TMEM177: variants seen among roughly 807,000 people sequenced by gnomAD.
TMEM177 encodes the protein transmembrane protein 177.
TMEM177 carries 4 observed loss-of-function variants against 14.2 expected under a neutral mutation model. The ratio of observed to expected loss-of-function variants is 0.28; its 90% CI spans 0.14 to 0.64. TMEM177 has a LOEUF of 0.64. TMEM177 is among the 30% of genes least tolerant of loss of function. TMEM177 has a pLI of 0.82. For missense variants in TMEM177, 344 were observed against 405.2 expected (o/e 0.85, Z 1.30); for synonymous variants, 179 against 174.5 (o/e 1.03, Z -0.20).
the TMEM177 span, among the ~76,000 whole-genome samples, chr2:119,691,627 A>T: frequency 8.1e-4 from 124 of 152,166 alleles, no homozygotes; most frequent in Non-Finnish European, 1.6e-3. Flanking sequence ...CCAGTACTGG[A>T]CCATGTCGCT....
chr2:119,715,147 C>T, the TMEM177 span, among the ~76,000 whole-genome samples: 1 of 152,086 alleles, frequency 6.6e-6, no homozygotes, highest in African/African-American at 2.4e-5. Context: ...CTTTGGGAGG[C>T]CAAGGCAGGA....
At chr2:119,721,405 G>A in the TMEM177 span, among the ~76,000 whole-genome samples, 1 of 152,202 alleles carries the variant, frequency 6.6e-6, no homozygotes, top group African/African-American at 2.4e-5. Flanking sequence ...CATTCTAGAA[G>A]CTCTTAGGTC....
chr2:119,721,151 C>T, the TMEM177 span, among the ~76,000 whole-genome samples: 1 of 152,200 alleles, frequency 6.6e-6, no homozygotes, highest in Non-Finnish European at 1.5e-5. Context: ...TAAGACTGGT[C>T]ACCAGAAAGA....
chr2:119,709,832 T>C, the TMEM177 span, among the ~76,000 whole-genome samples: 2 of 151,816 alleles, frequency 1.3e-5, no homozygotes. Flanking sequence ...CTCAAATAAA[T>C]AAACAAATAA....
downstream of TMEM177, among the ~76,000 whole-genome samples, chr2:119,688,100 G>GT (rs1689043580): frequency 1.3e-5 from 2 of 152,142 alleles, no homozygotes; most frequent in Admixed American, 1.3e-4. Context: ...GTATCCACTT[G>GT]TTGAACATTT....
At position 119,681,351 on chromosome 2, in the gene TMEM177, T is replaced by C; in HGVS notation, c.498T>C (p.Thr166=). 6.2e-7 allele frequency: 1 copy of C among 1,614,154 alleles called. No individual in the cohort carries two copies. The highest frequency in any genetic ancestry group is 1.1e-5 in the South Asian group (1 of 91,080). Residue 166 remains threonine, a synonymous_variant, in exon 2 of 2, where the codon ACT becomes ACC. Coordinates refer to ENST00000272521, the MANE Select transcript of TMEM177 (RefSeq NM_030577.3). ...REVVYLESST[T]AVHALLAPAC... is the part of the protein sequence containing the mutation. ...TGGTGTACCTGGAAAGCAGTACCAC[T>C]GCCGTGCACGCCCTGCTGGCCCCAG... is the stretch of plus-strand genomic sequence containing the variant.
the TMEM177 span, among the ~76,000 whole-genome samples, chr2:119,718,846 C>T: frequency 3.9e-5 from 6 of 152,176 alleles, no homozygotes; most frequent in African/African-American, 1.2e-4. Flanking sequence ...AGTCTCCCCA[C>T]CTTCATTGCT....
chr2:119,712,742 A>T, the TMEM177 span, among the ~76,000 whole-genome samples: 1 of 152,228 alleles, frequency 6.6e-6, no homozygotes, highest in African/African-American at 2.4e-5. Flanking sequence ...TATTACCAGC[A>T]TGCATGCACC....
chr2:119,722,142 A>C, the TMEM177 span, among the ~76,000 whole-genome samples: 1 of 152,180 alleles, frequency 6.6e-6, no homozygotes, highest in African/African-American at 2.4e-5. Flanking sequence ...ACACTTTGGG[A>C]GGCCACGTTG....
chr2:119,690,010 G>GAGGTC (rs1316310059), downstream of TMEM177, among the ~76,000 whole-genome samples: 1 of 152,180 alleles, frequency 6.6e-6, no homozygotes, highest in Non-Finnish European at 1.5e-5. Flanking sequence ...CTCCCCGCTA[G>GAGGTC]AGGTCAAAGG....
the TMEM177 span, among the ~76,000 whole-genome samples, chr2:119,715,335 A>G: frequency 6.6e-6 from 1 of 152,172 alleles, no homozygotes; most frequent in African/African-American, 2.4e-5. Context: ...GCAATAAGCT[A>G]TGTTCTCACC....
At chr2:119,694,896 C>A in the TMEM177 span, among the ~76,000 whole-genome samples, 1 of 152,204 alleles carries the variant, frequency 6.6e-6, no homozygotes, top group Non-Finnish European at 1.5e-5. Flanking sequence ...GGAGCCAAAC[C>A]ACCACAAGGG....
Position 119,681,172 on chromosome 2 carries a change from C to T in TMEM177, c.319C>T (p.Pro107Ser), listed in dbSNP as rs1688888037. The change falls in exon 2 of 2, where the codon CCT (proline) becomes TCT (serine). Residue 107 changes from proline (P) to serine (S), a missense_variant. By Grantham distance (74) the Pro-to-Ser change is moderately conservative (BLOSUM62 -1). Coordinates refer to ENST00000272521, the MANE Select transcript of TMEM177 (RefSeq NM_030577.3). The part of the protein sequence containing the change: ...RLPAGAVVGI[P>S]ASFLGDLVIN... ...CCCTGCTGGGGCTGTGGTGGGCATC[C>T]CTGCCAGTTTCTTGGGAGACCTAGT... 18 of 1,614,234 alleles carry T rather than the reference C, an allele frequency of 1.1e-5. No homozygotes were observed. In the East Asian group the frequency reaches 3.8e-4, roughly 34 times the overall value.
At chr2:119,720,512 C>T in the TMEM177 span, among the ~76,000 whole-genome samples, 1 of 152,142 alleles carries the variant, frequency 6.6e-6, no homozygotes, top group African/African-American at 2.4e-5. Context: ...TCAGATGATC[C>T]GCCCACCTCG....
At chr2:119,712,104 G>A in the TMEM177 span, among the ~76,000 whole-genome samples, 19 of 152,074 alleles carry the variant, frequency 1.2e-4, no homozygotes, top group South Asian at 4.2e-4. Flanking sequence ...TGTCTGAGGC[G>A]TTGGCGTTAA....
the TMEM177 span, among the ~76,000 whole-genome samples, chr2:119,721,701 C>T: frequency 6.6e-6 from 1 of 152,206 alleles, no homozygotes; most frequent in Admixed American, 6.5e-5. Context: ...TTACAGTACA[C>T]CAGTTGGTGT....
chr2:119,695,349 C>T, the TMEM177 span, among the ~76,000 whole-genome samples: 2 of 152,256 alleles, frequency 1.3e-5, no homozygotes, highest in Non-Finnish European at 2.9e-5. Context: ...GCCCTCCCCT[C>T]TGTTCCCATG....
the TMEM177 span, among the ~76,000 whole-genome samples, chr2:119,717,840 G>A: frequency 1.3e-5 from 2 of 151,966 alleles, no homozygotes; most frequent in Admixed American, 6.6e-5. Flanking sequence ...GCCTGGTCTC[G>A]AACTCCTGAC....
At chr2:119,702,084 A>C in the TMEM177 span, among the ~76,000 whole-genome samples, 1 of 152,212 alleles carries the variant, frequency 6.6e-6, no homozygotes, top group Non-Finnish European at 1.5e-5. Flanking sequence ...TGTAATTTCT[A>C]ATCTTGTAGC....
Sources: allele counts gnomAD v4.1 joint callset (sites outside exome capture counted in the v4.1 genomes callset), GRCh38; gene constraint gnomAD v4.1.1; transcripts MANE v1.5; gene names NCBI Gene and HGNC (gene_info 2026-07-23, HGNC 2026-07-21).